ZKSCAN2: variants seen among roughly 807,000 people sequenced by gnomAD.
ZKSCAN2 encodes zinc finger protein with KRAB and SCAN domains 2.
Under a neutral mutation model 90.5 loss-of-function variants are expected in ZKSCAN2, and 38 were observed. The ratio of observed to expected loss-of-function variants is 0.42; its 90% CI spans 0.32 to 0.55. The LOEUF (loss-of-function observed/expected upper bound fraction) is 0.55, where lower values mean the gene tolerates loss of function less well. Ranked by LOEUF, ZKSCAN2 falls within the 20% of genes least tolerant of loss-of-function variation. The pLI, the probability that ZKSCAN2 is intolerant of heterozygous loss-of-function variation, is 0.11. For synonymous variants in ZKSCAN2, 429 were observed against 421.6 expected, an observed-to-expected ratio of 1.02 and a Z score of -0.22; for missense variants, 1,167 against 1,202.6, an observed-to-expected ratio of 0.97 and a Z score of 0.44.
At position 25,246,869 on chromosome 16, in the gene ZKSCAN2, G is replaced by C. The variant is rs1384346980; in HGVS notation, c.1327C>G (p.Pro443Ala). 6.2e-7 allele frequency: 1 copy of C among 1,614,170 alleles called. No individual in the cohort carries two copies. The highest frequency in any genetic ancestry group is 2.2e-5 in the East Asian group (1 of 44,882). Residue 443 changes from proline (P) to alanine (A), a missense_variant, in exon 5 of 7, where the codon CCT becomes GCT. Physicochemically the swap from Pro to Ala is conservative, Grantham distance 27. Transcript: ENST00000328086. The part of the protein sequence containing the change: ...PSTDKPKEMI[P>A]VPRLKRIAIS... Reference sequence around the variant, plus strand: ...GCAATTCTCTTCAGTCTGGGGACAGGTATCATCTCCTTTGGTTTATCAGTG... The same window carrying C: ...GCAATTCTCTTCAGTCTGGGGACAGCTATCATCTCCTTTGGTTTATCAGTG...
rs572372469 is a variant in ZKSCAN2 at position 25,247,288 on chromosome 16, C to G, written c.908G>C (p.Ser303Thr). Residue 303 changes from serine to threonine, a missense_variant, in exon 5 of 7, where the codon AGC becomes ACC. Ser to Thr is a moderately conservative substitution (Grantham distance 58). Coordinates refer to ENST00000328086, the MANE Select transcript of ZKSCAN2 (RefSeq NM_001012981.5). The stretch of plus-strand genomic sequence containing the variant: ...AACTGACTTTTCCTTGACGTAGTTG[C>G]TTCGTAGGATACTTCTCTTGTTAGA... The part of the protein sequence containing the change: ...HSSNKRSILR[S>T]NYVKEKSVHA... 8.1e-6 allele frequency: 13 copies of G among 1,614,156 alleles called. No homozygotes were observed. In the South Asian group the frequency reaches 1.4e-4, roughly 18 times the overall value.
intron 3 of ZKSCAN2, 109 bp downstream of exon 3, chr16:25,252,837 C>A (rs1256482175): frequency 6.9e-6 from 6 of 873,068 alleles, no homozygotes; most frequent in Non-Finnish European, 1.1e-5. Flanking sequence ...ATCGCTTGAA[C>A]CCAGGAGGCA....
chr16:25,240,831 A>T, intron 6 of ZKSCAN2, 93 bp from the exon 7 acceptor site: 1 of 960,890 alleles, frequency 1.0e-6, no homozygotes. Flanking sequence ...TGCTCTCCAT[A>T]CACTTCTCTA....
Position 25,244,833 on chromosome 16 carries a change from A to C in ZKSCAN2, c.1490-557T>G, listed in dbSNP as rs192786150. Among the ~76,000 whole-genome samples, 14 of 152,338 alleles carry C rather than the reference A, an allele frequency of 9.2e-5. No individual in the cohort carries two copies. The East Asian group carries it at 1.7e-3, about 19-fold the overall frequency. On this transcript the variant is annotated intron_variant, in intron 5 of 6. Coordinates refer to ENST00000328086, the MANE Select transcript of ZKSCAN2 (RefSeq NM_001012981.5). ...ATTGAATCCTCTACTTTGAGATGAA[A>C]TGATCTGTAAGACAAGACTATGTTC...
chr16:25,253,615 C>T (rs746460979), intron 2 of ZKSCAN2, among the ~76,000 whole-genome samples: 50 of 152,334 alleles, frequency 3.3e-4, no homozygotes, highest in Non-Finnish European at 5.4e-4. Context: ...TTGTGCCATT[C>T]TGGGGGAAAG....
At position 25,244,688 on chromosome 16, in the gene ZKSCAN2, AGT is replaced by A. The variant is rs562702406; in HGVS notation, c.1490-414_1490-413del. Reference sequence around the variant, plus strand: ...TAGTTCTCTAGAAGTCTCTTTCCAAAGTGGTTAAGAATAATGACTAGAATTTC... The same window carrying A: ...TAGTTCTCTAGAAGTCTCTTTCCAAAGGTTAAGAATAATGACTAGAATTTC... On this transcript the variant is annotated intron_variant, in intron 5 of 6. Coordinates refer to ENST00000328086, the MANE Select transcript of ZKSCAN2 (RefSeq NM_001012981.5). 8.9e-4 allele frequency among the ~76,000 whole-genome samples: 135 copies of A among 152,318 alleles called. 1 individual carries two copies. Among genetic ancestry groups the A allele is most frequent in the African/African-American group, 3.2e-3 (132 of 41,564 alleles).
At chr16:25,246,557 G>C in intron 5 of ZKSCAN2, 150 bp downstream of exon 5, 1 of 768,326 alleles carries the variant, frequency 1.3e-6, no homozygotes, top group East Asian at 2.6e-5. Context: ...GCAAGCACCT[G>C]AGAGTACTTC....
chr16:25,246,690 C>A lies in ZKSCAN2; in HGVS notation c.1489+17G>T, dbSNP rs1352981898. On this transcript the variant is annotated intron_variant, in intron 5 of 6. Transcript: ENST00000328086. The stretch of plus-strand genomic sequence containing the variant: ...CACATCTGTTTTCCTACCAGAGAAA[C>A]AAAGCACAATTCTTACCACTGAGAT... 1.1e-5 allele frequency: 17 copies of A among 1,613,490 alleles called. No individual in the cohort carries two copies. The highest frequency in any genetic ancestry group is 1.2e-5 in the Non-Finnish European group (14 of 1,179,554).
At position 25,256,748 on chromosome 16, in the gene ZKSCAN2, G is replaced by C. The variant is rs1388760463; in HGVS notation, c.380C>G (p.Thr127Ser). 1.9e-6 allele frequency: 3 copies of C among 1,612,816 alleles called. No homozygotes were observed. Among genetic ancestry groups the C allele is most frequent in the Non-Finnish European group, 2.5e-6 (3 of 1,179,584 alleles). The change falls in exon 1 of 7, where the codon ACT becomes AGT. Residue 127 changes from threonine (T) to serine (S), a missense_variant. By Grantham distance (58) the Thr-to-Ser change is moderately conservative. Coordinates refer to ENST00000328086, the MANE Select transcript of ZKSCAN2 (RefSeq NM_001012981.5). ...VALVVHLEKE[T>S]GRLRQQVSSP... ...TCTCACCTGCTGTCTTAGTCTTCCA[G>C]TCTCTTTCTCCAAATGCACTACCAG...
At position 25,243,983 on chromosome 16, in the gene ZKSCAN2, G is replaced by T; in HGVS notation, c.1783C>A (p.Pro595Thr). 1 of 1,614,100 alleles carries T rather than the reference G, an allele frequency of 6.2e-7. No homozygotes were observed. Among genetic ancestry groups the T allele is most frequent in the Non-Finnish European group, 8.5e-7 (1 of 1,180,032 alleles). Reference protein sequence around the residue: ...SRASAPSPSTPEEVPSPSRQE... With the variant: ...SRASAPSPSTTEEVPSPSRQE... ...CTTGAAGGTGATGGGACTTCCTCTG[G>T]GGTGCTGGGGGAAGGAGCAGATGCC... Residue 595 changes from proline (P) to threonine (T), a missense_variant, in exon 6 of 7, where the codon CCA (proline) becomes ACA (threonine). Transcript: ENST00000328086.
chr16:25,241,654 T>C (rs1034280411), intron 6 of ZKSCAN2, among the ~76,000 whole-genome samples: 3 of 152,226 alleles, frequency 2.0e-5, no homozygotes, highest in African/African-American at 7.2e-5. Context: ...CATAAACATT[T>C]CACAAGCTGT....
rs1004608927 is a variant in ZKSCAN2, at chr16:25,240,659, T to C, written c.2061A>G (p.Ile687Met). 2.4e-5 allele frequency: 39 copies of C among 1,614,236 alleles called. No homozygotes were observed. Among genetic ancestry groups the C allele is most frequent in the Non-Finnish European group, 3.3e-5 (39 of 1,180,020 alleles). ...GGGAAACAACTCTTTTAGACTTTTC[T>C]ATTAATGCCCTATGCTGTTCCATGT... is the stretch of plus-strand genomic sequence containing the variant. ...YKDMEQHRAL[I>M]EKSKRVVSQS... Residue 687 changes from isoleucine (I) to methionine (M), a missense_variant, in exon 7 of 7, where the codon ATA becomes ATG. Physicochemically the swap from Ile to Met is conservative, Grantham distance 10 (BLOSUM62 1). Coordinates refer to ENST00000328086, the MANE Select transcript of ZKSCAN2 (RefSeq NM_001012981.5).
rs1029315649 is a variant in ZKSCAN2 at position 25,240,721 on chromosome 16, T to C, written c.1999A>G (p.Ser667Gly). 8 of 1,601,198 alleles carry C rather than the reference T, an allele frequency of 5.0e-6. No individual in the cohort carries two copies. In the Admixed American group the frequency reaches 6.8e-5, roughly 14 times the overall value. Residue 667 changes from serine (S) to glycine (G), a missense_variant, in exon 7 of 7, where the codon AGC becomes GGC. Physicochemically the swap from Ser to Gly is moderately conservative, Grantham distance 56. Coordinates refer to ENST00000328086, the MANE Select transcript of ZKSCAN2 (RefSeq NM_001012981.5). The stretch of plus-strand genomic sequence containing the variant: ...ATCTGTGTTGGATCCTCCTTGATGC[T>C]ACTTCCGATTTCAAAATCTGAAAAA... ...QSPNDFEIGS[S>G]IKEDPTQIVY... is the part of the protein sequence containing the mutation.
Position 25,239,586 on chromosome 16 carries a change from C to T in ZKSCAN2, c.*230G>A, listed in dbSNP as rs576219823. 1.1e-4 allele frequency: 48 copies of T among 453,586 alleles called. No homozygotes were observed. In the South Asian group the frequency reaches 1.4e-3, roughly 13 times the overall value. 28.1% of individuals were successfully genotyped at this position (453,586 alleles called of 1,614,324 possible). ...ACTGAAGGGTATTTCATTCTGAACTCGGACAATGTATCTTCGCCACATTCT... is the reference window on the plus strand; with the variant it reads ...ACTGAAGGGTATTTCATTCTGAACTTGGACAATGTATCTTCGCCACATTCT... On this transcript the variant is annotated 3_prime_UTR_variant, in exon 7 of 7. Coordinates refer to ENST00000328086, the MANE Select transcript of ZKSCAN2 (RefSeq NM_001012981.5).
At position 25,252,183 on chromosome 16, in the gene ZKSCAN2, G is replaced by A. The variant is rs1963031416; in HGVS notation, c.679-148C>T. The A allele has an allele frequency of 2.0e-5, 17 of 831,920 alleles. No individual in the cohort carries two copies. The South Asian group carries it at 2.8e-4, about 14-fold the overall frequency. The allele number at this position is 831,920 out of a possible 1,614,324, so 51.5% of individuals were successfully genotyped here. A position where few individuals can be genotyped will look rare whatever the true frequency, so the allele number is the denominator to read the frequency against. On this transcript the variant is annotated intron_variant, in intron 3 of 6. Transcript: ENST00000328086. ...TGCGCCAAATGAAGCAGAAGAGAAA[G>A]AATCATAAGATGACAAGATAAACAA...
chr16:25,238,871 G>A lies in ZKSCAN2; in HGVS notation c.*945C>T, dbSNP rs1403944574. ...ACTGCAGTGCAGGGGTGGGAGGTAC[G>A]AAATATGCCAACATGCCAGTCATGT... On this transcript the variant is annotated 3_prime_UTR_variant, in exon 7 of 7. Coordinates refer to ENST00000328086, the MANE Select transcript of ZKSCAN2 (RefSeq NM_001012981.5). 2 of 152,246 alleles carry A rather than the reference G, an allele frequency of 1.3e-5. No homozygotes were observed. The highest frequency in any genetic ancestry group is 4.1e-4 in the South Asian group (2 of 4,830). The allele number at this position is 152,246 out of a possible 1,614,324, so 9.4% of individuals were successfully genotyped here.
rs1338255479 is a variant in ZKSCAN2, at chr16:25,257,719, G to A, written c.-592C>T. 6.3e-6 allele frequency: 1 copy of A among 159,220 alleles called. No individual in the cohort carries two copies. The highest frequency in any genetic ancestry group is 1.3e-5 in the Non-Finnish European group (1 of 74,518). 9.9% of individuals were successfully genotyped at this position (159,220 alleles called of 1,614,324 possible). Reference sequence around the variant, plus strand: ...AGGAAACCGCTGCCGCCGAGGAAAGGCCGCAAAAACTGTTCCGCCCGGAAG... The same window carrying A: ...AGGAAACCGCTGCCGCCGAGGAAAGACCGCAAAAACTGTTCCGCCCGGAAG... On this transcript the variant is annotated 5_prime_UTR_variant, in exon 1 of 7. Coordinates refer to ENST00000328086, the MANE Select transcript of ZKSCAN2 (RefSeq NM_001012981.5).
chr16:25,245,158 G>A (rs1401889824), intron 5 of ZKSCAN2, among the ~76,000 whole-genome samples: 1 of 152,188 alleles, frequency 6.6e-6, no homozygotes, highest in Non-Finnish European at 1.5e-5. Context: ...AGGCTGGACT[G>A]CAGTGGCACA....
intron 4 of ZKSCAN2, among the ~76,000 whole-genome samples, chr16:25,250,257 C>T (rs994472201): frequency 1.3e-5 from 2 of 151,814 alleles, no homozygotes; most frequent in East Asian, 1.9e-4. Flanking sequence ...TGCAGCGAGC[C>T]GAGATTGCAC....
Sources: gnomAD v4.1 joint callset for allele counts (sites outside exome capture counted in the v4.1 genomes callset) on GRCh38, gnomAD v4.1.1 for gene constraint, MANE v1.5 for transcripts, NCBI Gene and HGNC (gene_info 2026-07-23, HGNC 2026-07-21) for gene names.